Variants in SPRR2B observed in about 807,000 individuals in gnomAD.
The protein encoded by SPRR2B is small proline rich protein 2B.
Under a neutral mutation model 1.0 loss-of-function variants are expected in SPRR2B, and 1 was observed. That is an observed-to-expected ratio of 1.01 (90% CI 0.36 to 4.77). The LOEUF is 4.77. SPRR2B is among the 30% of genes most tolerant of loss of function. The pLI is 0.16. For missense variants in SPRR2B, 53 were observed against 88.7 expected (o/e 0.60, Z 1.62); for synonymous variants, 27 against 33.4 (o/e 0.81, Z 0.66).
the SPRR2B span, among the ~76,000 whole-genome samples, chr1:153,077,695 C>A: frequency 3.3e-5 from 5 of 151,822 alleles, no homozygotes; most frequent in Admixed American, 2.6e-4. Context: ...TGGTTCACTG[C>A]AACCTCTGCC....
the SPRR2B span, among the ~76,000 whole-genome samples, chr1:153,078,970 G>A: frequency 2.0e-5 from 3 of 152,144 alleles, no homozygotes; most frequent in Non-Finnish European, 4.4e-5. Flanking sequence ...CTAGTTTACA[G>A]TCCCACCAAC....
At chr1:153,070,962 A>G in intron 1 of SPRR2B, 104 bp from the exon 2 acceptor site, 1 of 1,001,014 alleles carries the variant, frequency 1.0e-6, no homozygotes, top group Admixed American at 2.9e-5. Context: ...ATCTCCAAAA[A>G]TTTATTTAAA....
upstream of SPRR2B, among the ~76,000 whole-genome samples, chr1:153,075,216 G>A (rs1237746860): frequency 2.0e-5 from 3 of 152,008 alleles, no homozygotes; most frequent in East Asian, 1.9e-4. Context: ...GATTGCAGGG[G>A]CCTGTAATCC....
chr1:153,087,696 A>G, the SPRR2B span, among the ~76,000 whole-genome samples: 2 of 152,348 alleles, frequency 1.3e-5, 1 homozygote, highest in East Asian at 3.9e-4. Flanking sequence ...CTGAGCCAGG[A>G]AGAATTTGCA....
the SPRR2B span, among the ~76,000 whole-genome samples, chr1:153,085,204 T>A: frequency 6.6e-6 from 1 of 152,094 alleles, no homozygotes; most frequent in Non-Finnish European, 1.5e-5. Flanking sequence ...AAATGGAATT[T>A]CAATATGGAT....
upstream of SPRR2B, among the ~76,000 whole-genome samples, chr1:153,075,938 C>T (rs920547819): frequency 1.3e-5 from 2 of 152,128 alleles, no homozygotes; most frequent in African/African-American, 2.4e-5. Flanking sequence ...TATTTGGACT[C>T]TCTACAGCTT....
At chr1:153,079,407 G>A in the SPRR2B span, among the ~76,000 whole-genome samples, 1 of 152,158 alleles carries the variant, frequency 6.6e-6, no homozygotes, top group Non-Finnish European at 1.5e-5. Context: ...TGTTGACATT[G>A]CTTTTGGTGT....
upstream of SPRR2B, among the ~76,000 whole-genome samples, chr1:153,076,222 CTGAA>C (rs1415103239): frequency 6.6e-6 from 1 of 152,186 alleles, no homozygotes; most frequent in South Asian, 2.1e-4. Flanking sequence ...TTGTAAGCAA[CTGAA>C]TAGCTCATTA....
the SPRR2B span, among the ~76,000 whole-genome samples, chr1:153,080,597 C>T: frequency 4.6e-5 from 7 of 151,926 alleles, no homozygotes; most frequent in South Asian, 4.1e-4. Flanking sequence ...CAAAGAAACA[C>T]AAAATTGTGA....
At chr1:153,075,484 G>A (rs1423931358), upstream of SPRR2B, among the ~76,000 whole-genome samples, 1 of 152,012 alleles carries the variant, frequency 6.6e-6, no homozygotes, top group Non-Finnish European at 1.5e-5. Flanking sequence ...TCATAACATT[G>A]GCCATAATAT....
chr1:153,073,232 G>T (rs918541186), upstream of SPRR2B, among the ~76,000 whole-genome samples: 1 of 152,174 alleles, frequency 6.6e-6, no homozygotes, highest in African/African-American at 2.4e-5. Flanking sequence ...TACAAACAGT[G>T]TTCTCACCAA....
chr1:153,071,796 T>C (rs960588343), upstream of SPRR2B, among the ~76,000 whole-genome samples: 3 of 152,186 alleles, frequency 2.0e-5, no homozygotes, highest in African/African-American at 7.2e-5. Flanking sequence ...TCAGTTTCAG[T>C]GACTTATGGC....
chr1:153,080,500 C>A, the SPRR2B span, among the ~76,000 whole-genome samples: 10 of 151,936 alleles, frequency 6.6e-5, no homozygotes, highest in African/African-American at 2.4e-4. Flanking sequence ...TGGAATAAAA[C>A]TAAAAACTTA....
At chr1:153,071,819 G>C (rs1048924817), upstream of SPRR2B, among the ~76,000 whole-genome samples, 1 of 152,154 alleles carries the variant, frequency 6.6e-6, no homozygotes, top group African/African-American at 2.4e-5. Flanking sequence ...AGAGGGACTT[G>C]GGGGATTCTC....
the SPRR2B span, among the ~76,000 whole-genome samples, chr1:153,082,638 A>G: frequency 6.6e-6 from 1 of 152,164 alleles, no homozygotes. Flanking sequence ...AATCATAGGG[A>G]AAATTAGAAA....
At chr1:153,079,541 A>G in the SPRR2B span, among the ~76,000 whole-genome samples, 2 of 152,146 alleles carry the variant, frequency 1.3e-5, no homozygotes, top group African/African-American at 4.8e-5. Context: ...TAATTTTTGT[A>G]TAAGGTGTAA....
the SPRR2B span, among the ~76,000 whole-genome samples, chr1:153,078,420 A>T: frequency 3.3e-5 from 5 of 152,166 alleles, no homozygotes; most frequent in African/African-American, 4.8e-5. Context: ...CGTGCAGGTT[A>T]GTTACATATG....
upstream of SPRR2B, among the ~76,000 whole-genome samples, chr1:153,073,845 T>C (rs185695530): frequency 1.7e-3 from 256 of 152,284 alleles, 2 homozygotes; most frequent in African/African-American, 5.9e-3. Context: ...CATAATTTTC[T>C]AAGGGATCAT....
chr1:153,072,585 G>T (rs1325360281), upstream of SPRR2B, among the ~76,000 whole-genome samples: 1 of 152,136 alleles, frequency 6.6e-6, no homozygotes, highest in African/African-American at 2.4e-5. Flanking sequence ...AAATCTAGGG[G>T]AAAATATCAA....
Sources: gnomAD v4.1 joint callset for allele counts (sites outside exome capture counted in the v4.1 genomes callset) on GRCh38, gnomAD v4.1.1 for gene constraint, MANE v1.5 for transcripts, NCBI Gene and HGNC (gene_info 2026-07-23, HGNC 2026-07-21) for gene names.